SETX: variants seen among roughly 807,000 people sequenced by gnomAD.
SETX encodes senataxin.
SETX carries 90 observed loss-of-function variants against 227.2 expected under a neutral mutation model. The observed-to-expected ratio is 0.40, with a 90% confidence interval of 0.33 to 0.47. The LOEUF is 0.47. SETX is among the 20% of genes least tolerant of loss of function. The pLI, the probability that SETX is intolerant of heterozygous loss-of-function variation, is 0.91. For missense variants in SETX, 3,052 were observed against 3,181.5 expected (o/e 0.96, Z 0.98); for synonymous variants, 1,210 against 1,113.2 (o/e 1.09, Z -1.73).
At chr9:132,316,687 G>A (rs768683112) in intron 10 of SETX, among the ~76,000 whole-genome samples, 13 of 152,124 alleles carry the variant, frequency 8.5e-5, no homozygotes, top group Non-Finnish European at 8.8e-5. Context: ...CCACTGATTT[G>A]TGATGTCCTA....
chr9:132,333,458 C>CACACACACACACAT, intron 7 of SETX, among the ~76,000 whole-genome samples: 1 of 111,250 alleles, frequency 9.0e-6, no homozygotes, highest in African/African-American at 3.8e-5. Context: ...CACACACACA[C>CACACACACACACAT]GCCCTATCAA....
rs1202195026 is a variant in SETX, at chr9:132,335,145, C to T, written c.719-418G>A. 7.9e-5 allele frequency among the ~76,000 whole-genome samples: 12 copies of T among 151,868 alleles called. 1 individual carries two copies. The highest frequency in any genetic ancestry group is 7.9e-4 in the Admixed American group (12 of 15,256). Reference sequence around the variant, plus strand: ...GTGGCTCACACCTGTAATCCCAGCACTTTGGGAGGCCAAGGCGGGCAGATC... The same window carrying T: ...GTGGCTCACACCTGTAATCCCAGCATTTTGGGAGGCCAAGGCGGGCAGATC... On this transcript the variant is annotated intron_variant, in intron 6 of 25. Coordinates refer to ENST00000224140, the MANE Select transcript of SETX (RefSeq NM_015046.7).
chr9:132,295,499 C>A (rs1159973189), intron 15 of SETX, among the ~76,000 whole-genome samples: 6 of 152,184 alleles, frequency 3.9e-5, no homozygotes, highest in African/African-American at 1.4e-4. Flanking sequence ...ACTCCCTAAC[C>A]CTCTACTGCC....
Position 132,271,817 on chromosome 9 carries a change from A to C in SETX, c.7101-9T>G. 6.2e-7 allele frequency: 1 copy of C among 1,604,782 alleles called. No homozygotes were observed. The stretch of plus-strand genomic sequence containing the variant: ...TGTCTACTTCTGCTGGTCTATTTAC[A>C]AAAGAGAAACATATTTACTGGAAAA... On this transcript the variant is annotated splice_polypyrimidine_tract_variant and intron_variant, in intron 23 of 25. Coordinates refer to ENST00000224140, the MANE Select transcript of SETX (RefSeq NM_015046.7).
rs1482380873 is a variant in SETX, at chr9:132,264,063, A to T, written c.*176T>A. ...CACAATGCCCTCTGAAAGCTTTTGC[A>T]AATGACAGAAAATACTGAAGATGAC... is the stretch of plus-strand genomic sequence containing the variant. On this transcript the variant is annotated 3_prime_UTR_variant, in exon 26 of 26. Transcript: ENST00000224140. 5 of 828,826 alleles carry T rather than the reference A, an allele frequency of 6.0e-6. No homozygotes were observed. The highest frequency in any genetic ancestry group is 9.4e-6 in the Non-Finnish European group (5 of 530,756). The allele number at this position is 828,826 out of a possible 1,614,324, so 51.3% of individuals were successfully genotyped here. A position where few individuals can be genotyped will look rare whatever the true frequency, so the allele number is the denominator to read the frequency against.
chr9:132,269,493 GA>G, intron 25 of SETX, 121 bp downstream of exon 25: 1 of 1,599,358 alleles, frequency 6.3e-7, no homozygotes, highest in Non-Finnish European at 8.5e-7. Context: ...GAAGTTGCTG[GA>G]AAACATAACA....
intron 1 of SETX, among the ~76,000 whole-genome samples, chr9:132,354,471 G>A (rs1429284429): frequency 1.4e-5 from 2 of 146,618 alleles, no homozygotes; most frequent in East Asian, 2.0e-4. Context: ...ACTTCAGCCT[G>A]GGTGACAGAG....
intron 15 of SETX, among the ~76,000 whole-genome samples, chr9:132,294,624 C>T (rs551057902): frequency 2.5e-4 from 38 of 152,368 alleles, no homozygotes; most frequent in Non-Finnish European, 3.8e-4. Context: ...TCTTATACCT[C>T]GGTGTGGCCG....
rs369782193 is a variant in SETX at position 132,278,059 on chromosome 9, G to A, written c.6842+11C>T. On this transcript the variant is annotated intron_variant, in intron 21 of 25. Coordinates refer to ENST00000224140, the MANE Select transcript of SETX (RefSeq NM_015046.7). ...AACAAAATAAGGTCACAAACAATAA[G>A]GGGAACTCACCTATTTGTTTTTAAG... 3.1e-6 allele frequency: 5 copies of A among 1,611,196 alleles called. No homozygotes were observed. Among genetic ancestry groups the A allele is most frequent in the Non-Finnish European group, 4.2e-6 (5 of 1,177,726 alleles).
At position 132,342,772 on chromosome 9, in the gene SETX, C is replaced by T. The variant is rs1848056207; in HGVS notation, c.416G>A (p.Arg139Gln). ...AAAGGAGCAATTGGCTTGTTCCATCCGACAAAGTGCTTCAACACATAACTC... is the reference window on the plus strand; with the variant it reads ...AAAGGAGCAATTGGCTTGTTCCATCTGACAAAGTGCTTCAACACATAACTC... ...VNELCVEALC[R>Q]MEQANCSFQV... The change falls in exon 5 of 26, where the codon CGG becomes CAG. Residue 139 changes from arginine (R) to glutamine (Q), a missense_variant. Arg to Gln is a conservative substitution (Grantham distance 43). This residue lies in a region of SETX where 10 missense variants were observed against 31.4 expected (regional missense o/e 0.32). Coordinates refer to ENST00000224140, the MANE Select transcript of SETX (RefSeq NM_015046.7). 6.2e-7 allele frequency: 1 copy of T among 1,613,442 alleles called. No individual in the cohort carries two copies. The highest frequency in any genetic ancestry group is 1.7e-5 in the Admixed American group (1 of 59,978).
rs538802502 is a variant in SETX, at chr9:132,335,892, T to C, written c.718+404A>G. Among the ~76,000 whole-genome samples the C allele has an allele frequency of 5.8e-4, 89 of 152,274 alleles. No individual in the cohort carries two copies. The Middle Eastern group carries it at 0.01, about 17-fold the overall frequency. On this transcript the variant is annotated intron_variant, in intron 6 of 25. Transcript: ENST00000224140. ...AAGAACTGAGAACTATAAAATCCTA[T>C]CTTCAGTAAGTTTCATCAGATCACC...
At chr9:132,354,864 G>C (rs1169438929) in intron 1 of SETX, 53 bp downstream of exon 1, 1 of 152,418 alleles carries the variant, frequency 6.6e-6, no homozygotes, top group African/African-American at 2.4e-5. Context: ...CACAAGCCGC[G>C]CCTGCGCTCA....
At chr9:132,331,803 T>C (rs73548741) in intron 7 of SETX, among the ~76,000 whole-genome samples, 5,846 of 152,090 alleles carry the variant, frequency 0.038, 379 homozygotes, top group African/African-American at 0.13. Flanking sequence ...CCTCAACCCC[T>C]GCCAAAACTT....
chr9:132,268,346 A>C (rs1023490486), intron 25 of SETX, among the ~76,000 whole-genome samples: 1 of 152,214 alleles, frequency 6.6e-6, no homozygotes, highest in Admixed American at 6.5e-5. Context: ...CCCTTTCTCT[A>C]CTAAAAGTAC....
chr9:132,282,642 G>C (rs117053975), intron 19 of SETX: 1 of 160,260 alleles, frequency 6.2e-6, no homozygotes, highest in Non-Finnish European at 1.4e-5. Context: ...GAGCGTCCAT[G>C]AGTGTGTTTC....
intron 2 of SETX, among the ~76,000 whole-genome samples, chr9:132,352,190 T>C (rs75852734): frequency 0.013 from 1,941 of 152,288 alleles, 42 homozygotes; most frequent in African/African-American, 0.043. Context: ...ACCAATCCAA[T>C]AGGTTCCTGA....
rs74311565 is a variant in SETX, at chr9:132,343,042, G to A, written c.389-243C>T. ...TATTAGAATAGATCCCTTTTTTGCC[G>A]GGCGCGGTGGCTCACACCTGTAATC... On this transcript the variant is annotated intron_variant, in intron 4 of 25. Coordinates refer to ENST00000224140, the MANE Select transcript of SETX (RefSeq NM_015046.7). Among the ~76,000 whole-genome samples, 8,991 of 151,788 alleles carry A rather than the reference G, an allele frequency of 0.059. 386 individuals carry two copies. The highest frequency in any genetic ancestry group is 0.25 in the East Asian group (1,316 of 5,170).
At position 132,331,421 on chromosome 9, in the gene SETX, G is replaced by A. The variant is rs1237541645; in HGVS notation, c.866C>T (p.Ala289Val). The A allele has an allele frequency of 6.8e-6, 11 of 1,613,770 alleles. No individual in the cohort carries two copies. In the African/African-American group the frequency reaches 8.0e-5, roughly 12 times the overall value. ...DDDSVDPFWPALHCFMVILDR... is the reference protein window; with the variant it reads ...DDDSVDPFWPVLHCFMVILDR... The stretch of plus-strand genomic sequence containing the variant: ...CAGAATCACCATAAAACAGTGTAAC[G>A]CTGGCCAGAAAGGATCCACACTATC... Residue 289 changes from alanine to valine, a missense_variant, in exon 8 of 26, where the codon GCG becomes GTG. Around this residue, in one of 10 missense-constraint regions of SETX, gnomAD observed 239 missense variants for 240.8 expected, o/e 0.99. Coordinates refer to ENST00000224140, the MANE Select transcript of SETX (RefSeq NM_015046.7).
Position 132,271,770 on chromosome 9 carries a change from C to T in SETX, c.7139G>A (p.Arg2380Gln), listed in dbSNP as rs145397619. 1.9e-5 allele frequency: 30 copies of T among 1,613,868 alleles called. No homozygotes were observed. The highest frequency in any genetic ancestry group is 2.5e-5 in the Non-Finnish European group (30 of 1,179,986). ...CGTAACAATAACACAATCCTTCTGC[C>T]GACCCTGGAATGCATCCACAGTGTC... ...EVDTVDAFQG[R>Q]QKDCVIVTCV... The change falls in exon 24 of 26, where the codon CGG becomes CAG. Residue 2380 changes from arginine (R) to glutamine (Q), a missense_variant. Transcript: ENST00000224140.
Sources: allele counts gnomAD v4.1 joint callset (sites outside exome capture counted in the v4.1 genomes callset), GRCh38; gene constraint gnomAD v4.1.1; regional missense constraint gnomAD v4.1.1; transcripts MANE v1.5; gene names NCBI Gene and HGNC (gene_info 2026-07-23, HGNC 2026-07-21).